TMEM202: variants seen among roughly 807,000 people sequenced by gnomAD.
TMEM202 encodes the protein transmembrane protein 202.
Under a neutral mutation model 26.1 loss-of-function variants are expected in TMEM202, and 25 were observed. The observed-to-expected ratio is 0.96, with a 90% confidence interval of 0.70 to 1.34. The LOEUF is 1.34. TMEM202 is among the 40% of genes most tolerant of loss of function. The pLI is 0.00. For missense variants in TMEM202, 301 were observed against 327.7 expected (o/e 0.92, Z 0.63); for synonymous variants, 122 against 119.0 (o/e 1.02, Z -0.16).
In TMEM202 at chr15:72,398,662, C is replaced by T. The variant is rs777435326; in HGVS notation, c.91C>T (p.Pro31Ser). 1 of 1,614,032 alleles carries T rather than the reference C, an allele frequency of 6.2e-7. No homozygotes were observed. The highest frequency in any genetic ancestry group is 1.1e-5 in the South Asian group (1 of 91,076). The change falls in exon 2 of 5, where the codon CCT becomes TCT. Residue 31 changes from proline to serine, a missense_variant. Transcript: ENST00000341689. The part of the protein sequence containing the change: ...GNRKYQRPTV[P>S]AKKHPSASMS... ...TCCCTCATCCTTGTAGCCTACCGTC[C>T]CTGCCAAGAAACATCCAAGTGCCTC...
intron 4 of TMEM202, 81 bp from the exon 5 acceptor site, chr15:72,407,610 T>G: frequency 7.7e-7 from 1 of 1,304,202 alleles, no homozygotes; most frequent in South Asian, 1.2e-5. Context: ...TTGAACTGGT[T>G]ATTAAAGGAT....
At chr15:72,401,015 T>G (rs562814461) in intron 2 of TMEM202, among the ~76,000 whole-genome samples, 1 of 152,290 alleles carries the variant, frequency 6.6e-6, no homozygotes, top group Non-Finnish European at 1.5e-5. Context: ...GGAGTGTCTT[T>G]TAGTATGCTA....
Position 72,400,379 on chromosome 15 carries a change from C to T in TMEM202, c.337+1471C>T, listed in dbSNP as rs376800542. Reference sequence around the variant, plus strand: ...TAATGCAACTGCTATCACTCCCATACGCATTCCTGTACATGCCATGCAAAT... The same window carrying T: ...TAATGCAACTGCTATCACTCCCATATGCATTCCTGTACATGCCATGCAAAT... On this transcript the variant is annotated intron_variant, in intron 2 of 4. Coordinates refer to ENST00000341689, the MANE Select transcript of TMEM202 (RefSeq NM_001080462.3). 8.4e-4 allele frequency among the ~76,000 whole-genome samples: 128 copies of T among 152,310 alleles called. No individual in the cohort carries two copies. In the South Asian group the frequency reaches 0.022, roughly 26 times the overall value.
At position 72,402,383 on chromosome 15, in the gene TMEM202, G is replaced by A. The variant is rs556253298; in HGVS notation, c.337+3475G>A. ...CAGTTTCCTTTCATAAGTCATTTTC[G>A]TAAGTTTCACAGGGGCTATCTCAGG... On this transcript the variant is annotated intron_variant, in intron 2 of 4. Transcript: ENST00000341689. 7.4e-4 allele frequency among the ~76,000 whole-genome samples: 112 copies of A among 152,142 alleles called. 1 individual carries two copies. The highest frequency in any genetic ancestry group is 2.9e-3 in the Admixed American group (44 of 15,282).
chr15:72,400,050 A>T (rs2063540456), intron 2 of TMEM202, among the ~76,000 whole-genome samples: 1 of 152,232 alleles, frequency 6.6e-6, no homozygotes, highest in Admixed American at 6.5e-5. Context: ...GATCTTGAGA[A>T]GAAACTAAAA....
intron 2 of TMEM202, among the ~76,000 whole-genome samples, chr15:72,400,953 G>A (rs190475136): frequency 6.6e-6 from 1 of 152,326 alleles, no homozygotes; most frequent in Admixed American, 6.5e-5. Context: ...AGACCATATA[G>A]GGTAAATTCC....
At position 72,398,751 on chromosome 15, in the gene TMEM202, TG is replaced by T. The variant is rs775173959; in HGVS notation, c.182del (p.Gly61AlafsTer9). 1.9e-6 allele frequency: 3 copies of T among 1,614,184 alleles called. No individual in the cohort carries two copies. In the South Asian group the frequency reaches 3.3e-5, roughly 18 times the overall value. Reference sequence around the variant, plus strand: ...CACACATCTACATCCGAACGCTCTGTGGCAGCCTCTGTAGTTTTAGCCTCCT... The same window carrying T: ...CACACATCTACATCCGAACGCTCTGTGCAGCCTCTGTAGTTTTAGCCTCCT... ...QAHIYIRTLC[G>X]SLCSFSLLML... On this transcript the variant is annotated frameshift_variant, in exon 2 of 5. Transcript: ENST00000341689. LOFTEE classifies it high-confidence loss of function.
chr15:72,403,087 T>C (rs1482359792), intron 2 of TMEM202, among the ~76,000 whole-genome samples: 2 of 152,178 alleles, frequency 1.3e-5, no homozygotes, highest in Non-Finnish European at 2.9e-5. Flanking sequence ...GGCCAACTTT[T>C]ACTTCCACAA....
intron 2 of TMEM202, among the ~76,000 whole-genome samples, chr15:72,403,096 A>G (rs990226874): frequency 6.6e-6 from 1 of 152,186 alleles, no homozygotes; most frequent in Non-Finnish European, 1.5e-5. Flanking sequence ...TTACTTCCAC[A>G]ACAGTAGAAG....
chr15:72,403,927 T>A (rs2063559968), intron 2 of TMEM202, among the ~76,000 whole-genome samples: 1 of 152,162 alleles, frequency 6.6e-6, no homozygotes, highest in Non-Finnish European at 1.5e-5. Context: ...TTTCAGGAGA[T>A]GAGAAGGTAA....
rs2063566144 is a variant in TMEM202 at position 72,405,388 on chromosome 15, TA to T, written c.338-1210del. Among the ~76,000 whole-genome samples, 5 of 152,244 alleles carry T rather than the reference TA, an allele frequency of 3.3e-5. No individual in the cohort carries two copies. The South Asian group carries it at 1.0e-3, about 32-fold the overall frequency. On this transcript the variant is annotated intron_variant, in intron 2 of 4. Transcript: ENST00000341689. Reference sequence around the variant, plus strand: ...TATAAGTTATCTTCTAAATCTTCAGTAAAATATTGATGGGGAAGTCGAAGAA... The same window carrying T: ...TATAAGTTATCTTCTAAATCTTCAGTAAATATTGATGGGGAAGTCGAAGAA...
chr15:72,403,073 C>T (rs540771858), intron 2 of TMEM202, among the ~76,000 whole-genome samples: 1 of 152,270 alleles, frequency 6.6e-6, no homozygotes, highest in African/African-American at 2.4e-5. Context: ...TCCAAAAGCT[C>T]CCTGGCCAAC....
chr15:72,399,967 C>A (rs1567314998), intron 2 of TMEM202, among the ~76,000 whole-genome samples: 1 of 152,176 alleles, frequency 6.6e-6, no homozygotes, highest in Non-Finnish European at 1.5e-5. Flanking sequence ...CACCTGTGCC[C>A]AACTCTGAGG....
chr15:72,407,044 G>A (rs756534764), intron 3 of TMEM202, 42 bp from the exon 4 acceptor site: 2 of 1,606,974 alleles, frequency 1.2e-6, no homozygotes. Flanking sequence ...AAGACAGACT[G>A]AAGATGCTGA....
At chr15:72,399,270 G>A (rs148483616) in intron 2 of TMEM202, among the ~76,000 whole-genome samples, 16 of 152,230 alleles carry the variant, frequency 1.1e-4, no homozygotes, top group African/African-American at 3.9e-4. Flanking sequence ...CTGAGTAGGT[G>A]GAACTACAGA....
intron 2 of TMEM202, among the ~76,000 whole-genome samples, chr15:72,406,300 C>A (rs1043716693): frequency 6.6e-6 from 1 of 151,724 alleles, no homozygotes; most frequent in African/African-American, 2.4e-5. Context: ...ATGTTGAACG[C>A]GTATTACTTA....
At chr15:72,399,936 C>G (rs1050940096) in intron 2 of TMEM202, among the ~76,000 whole-genome samples, 1 of 152,190 alleles carries the variant, frequency 6.6e-6, no homozygotes, top group South Asian at 2.1e-4. Flanking sequence ...ATCTATTCTC[C>G]TCACATAAGC....
At position 72,407,893 on chromosome 15, in the gene TMEM202, A is replaced by T; in HGVS notation, c.822A>T (p.Ter274CysextTer1). 6.2e-7 allele frequency: 1 copy of T among 1,612,330 alleles called. No individual in the cohort carries two copies. The highest frequency in any genetic ancestry group is 2.2e-5 in the East Asian group (1 of 44,858). The change falls in exon 5 of 5, where the codon TGA becomes TGT. Residue 274 changes from the stop codon to cysteine, a stop_lost. Coordinates refer to ENST00000341689, the MANE Select transcript of TMEM202 (RefSeq NM_001080462.3). ...KNLPKSGLWW[*>C] ...TACCAAAGTCAGGACTGTGGTGGTG[A>T]TAGGAAAACCTAACTATAGCTTGTC...
At chr15:72,398,934 C>G (rs1411574112) in intron 2 of TMEM202, 26 bp downstream of exon 2, 2 of 1,593,572 alleles carry the variant, frequency 1.3e-6, no homozygotes, top group South Asian at 2.2e-5. Context: ...TTAAATGCCA[C>G]AGGCCCCACA....
Sources: allele counts gnomAD v4.1 joint callset (sites outside exome capture counted in the v4.1 genomes callset), GRCh38; gene constraint gnomAD v4.1.1; transcripts MANE v1.5; gene names NCBI Gene and HGNC (gene_info 2026-07-23, HGNC 2026-07-21).